The following COA1 variants were observed in gnomAD, a reference collection of about 807,000 sequenced individuals.
COA1 encodes the protein cytochrome c oxidase assembly factor 1.
Under a neutral mutation model 16.0 loss-of-function variants are expected in COA1, and 13 were observed. The ratio of observed to expected loss-of-function variants is 0.81; its 90% CI spans 0.53 to 1.29. COA1 has a LOEUF of 1.29. Ranked by LOEUF, COA1 falls within the 50% of genes most tolerant of loss-of-function variation. COA1 has a pLI of 0.00. For missense variants in COA1, 179 were observed against 177.0 expected, an observed-to-expected ratio of 1.01 and a Z score of -0.06; for synonymous variants, 65 against 65.7, an observed-to-expected ratio of 0.99 and a Z score of 0.05.
intron 1 of COA1, among the ~76,000 whole-genome samples, chr7:43,659,889 A>C (rs2092253839): frequency 6.6e-6 from 1 of 152,198 alleles, no homozygotes; most frequent in South Asian, 2.1e-4. Flanking sequence ...TTAAAGAGGT[A>C]ATTAAATTAA....
At chr7:43,686,314 T>A (rs2094023677) in intron 1 of COA1, among the ~76,000 whole-genome samples, 2 of 149,558 alleles carry the variant, frequency 1.3e-5, no homozygotes, top group African/African-American at 2.4e-5. Flanking sequence ...TCTTTTTTTT[T>A]TTTTTTTTTT....
downstream of COA1, chr7:43,638,964 G>A (rs1230835261): frequency 6.6e-6 from 1 of 152,212 alleles, no homozygotes; most frequent in Non-Finnish European, 1.5e-5. Context: ...CAAAATGTTT[G>A]GAATAAAAAC....
intron 1 of COA1, among the ~76,000 whole-genome samples, chr7:43,656,539 T>C (rs554191141): frequency 3.2e-4 from 49 of 151,792 alleles, no homozygotes; most frequent in African/African-American, 1.1e-3. Context: ...CTACTAAAAA[T>C]ATAAAAATTG....
chr7:43,636,343 C>T (rs139969243), downstream of COA1, among the ~76,000 whole-genome samples: 48 of 122,608 alleles, frequency 3.9e-4, no homozygotes, highest in African/African-American at 1.5e-3. Flanking sequence ...TTCTGGACCG[C>T]CCCCATCATT....
At chr7:43,691,269 G>GAAAGA (rs1554541904) in intron 1 of COA1, among the ~76,000 whole-genome samples, 27 of 29,614 alleles carry the variant, frequency 9.1e-4, no homozygotes, top group African/African-American at 3.1e-3. Context: ...AGAAAGAAAA[G>GAAAGA]AAAGAAAGAA....
At chr7:43,701,856 T>G (rs980585909) in intron 1 of COA1, among the ~76,000 whole-genome samples, 36 of 152,268 alleles carry the variant, frequency 2.4e-4, no homozygotes, top group African/African-American at 7.5e-4. Flanking sequence ...CATTTTTTCA[T>G]GTTTGTTGGC....
intron 1 of COA1, among the ~76,000 whole-genome samples, chr7:43,702,228 T>C (rs1463358792): frequency 6.6e-6 from 1 of 152,168 alleles, no homozygotes; most frequent in East Asian, 1.9e-4. Flanking sequence ...TTTTATAGTT[T>C]TAGATTTTAC....
In COA1 at chr7:43,633,715, A is replaced by G. The variant is rs550804220; in HGVS notation, c.*133+5734T>C. ...AATTTGTAAAAAACACAGCATCTGCAAAGTGTAATAAAGTAAAACACAATG... is the reference window on the plus strand; with the variant it reads ...AATTTGTAAAAAACACAGCATCTGCGAAGTGTAATAAAGTAAAACACAATG... On this transcript the variant is annotated intron_variant and NMD_transcript_variant, in intron 6 of 6. Coordinates refer to the COA1 transcript ENST00000415076. Among the ~76,000 whole-genome samples the G allele has an allele frequency of 4.6e-4, 70 of 152,382 alleles. 1 individual carries two copies. The highest frequency in any genetic ancestry group is 1.6e-3 in the African/African-American group (67 of 41,598).
chr7:43,644,761 G>GATAGATAGATGGATAGATAGATA (rs59592633), intron 4 of COA1, among the ~76,000 whole-genome samples: 1 of 90,134 alleles, frequency 1.1e-5, no homozygotes, highest in Non-Finnish European at 2.4e-5. Context: ...TAGATAGATA[G>GATAGATAGATGGATAGATAGATA]GCAGGCAGGC....
intron 1 of COA1, among the ~76,000 whole-genome samples, chr7:43,703,182 T>C (rs1585211980): frequency 1.3e-5 from 2 of 152,336 alleles, no homozygotes; most frequent in Middle Eastern, 6.8e-3. Flanking sequence ...CTATTTTTAT[T>C]GCACTGTGGT....
intron 1 of COA1, among the ~76,000 whole-genome samples, chr7:43,653,323 A>C (rs537146776): frequency 1.6e-4 from 25 of 152,300 alleles, no homozygotes; most frequent in Admixed American, 9.2e-4. Flanking sequence ...AACAAACAAA[A>C]AAAAAGTATG....
intron 6 of COA1, among the ~76,000 whole-genome samples, chr7:43,629,739 A>G (rs1481538488): frequency 6.6e-6 from 1 of 152,180 alleles, no homozygotes; most frequent in Non-Finnish European, 1.5e-5. Context: ...CAGATTAGAG[A>G]TGCAATAATG....
chr7:43,680,568 A>T (rs1480937368), intron 1 of COA1, among the ~76,000 whole-genome samples: 1 of 152,182 alleles, frequency 6.6e-6, no homozygotes, highest in Non-Finnish European at 1.5e-5. Flanking sequence ...TTTTCCCTTT[A>T]TCTCCAAAAA....
At chr7:43,694,309 C>G (rs1273949017) in intron 1 of COA1, among the ~76,000 whole-genome samples, 1 of 151,292 alleles carries the variant, frequency 6.6e-6, no homozygotes, top group South Asian at 2.1e-4. Context: ...AGCAATGGTC[C>G]CATTTCTCTA....
chr7:43,620,380 TTATTAA>T (rs2083755946), intron 6 of COA1, among the ~76,000 whole-genome samples: 1 of 152,116 alleles, frequency 6.6e-6, no homozygotes, highest in Admixed American at 6.5e-5. Flanking sequence ...AGAGATTAGA[TTATTAA>T]TATTTAGGCC....
chr7:43,615,585 T>C (rs1439305537), intron 6 of COA1, among the ~76,000 whole-genome samples: 1 of 152,212 alleles, frequency 6.6e-6, no homozygotes, highest in South Asian at 2.1e-4. Context: ...CGTGAAGAAT[T>C]AGCTAGAAGC....
At chr7:43,713,448 T>C (rs2095310901) in intron 1 of COA1, among the ~76,000 whole-genome samples, 1 of 152,104 alleles carries the variant, frequency 6.6e-6, no homozygotes, top group Non-Finnish European at 1.5e-5. Flanking sequence ...AACTATAACT[T>C]TGTACTCATT....
chr7:43,710,967 T>C (rs915901980), intron 1 of COA1, among the ~76,000 whole-genome samples: 1 of 151,928 alleles, frequency 6.6e-6, no homozygotes, highest in Non-Finnish European at 1.5e-5. Flanking sequence ...TTGAGATAAC[T>C]GCTCCAACCA....
chr7:43,646,389 G>A (rs753090999), intron 3 of COA1: 7 of 357,672 alleles, frequency 2.0e-5, no homozygotes, highest in Non-Finnish European at 2.3e-5. Context: ...CTCTTGTGTT[G>A]TGAGATTCAA....
Sources: gnomAD v4.1 joint callset for allele counts (sites outside exome capture counted in the v4.1 genomes callset) on GRCh38, gnomAD v4.1.1 for gene constraint, MANE v1.5 for transcripts, NCBI Gene and HGNC (gene_info 2026-07-23, HGNC 2026-07-21) for gene names.